Variants in ZFP64 observed in about 807,000 individuals in gnomAD.
ZFP64 encodes ZFP64 zinc finger protein.
A neutral mutation model predicts 51.6 loss-of-function variants in ZFP64; 14 were observed. The observed-to-expected ratio is 0.27, with a 90% CI of 0.18 to 0.42. The LOEUF (loss-of-function observed/expected upper bound fraction) is 0.42. ZFP64 is among the 10% of genes least tolerant of loss of function. ZFP64 has a pLI of 1.00. For synonymous variants in ZFP64, 375 were observed against 361.4 expected (o/e 1.04, Z -0.43); for missense variants, 754 against 906.8 (o/e 0.83, Z 2.16).
chr20:52,139,123 T>A (rs1243066017), intron 5 of ZFP64, among the ~76,000 whole-genome samples: 2 of 152,294 alleles, frequency 1.3e-5, no homozygotes, highest in African/African-American at 4.8e-5. Context: ...GAAAGCAGTT[T>A]GGAGATTTCT....
chr20:52,152,161 G>A lies in ZFP64; in HGVS notation c.2031C>T (p.Asp677=). The change falls in exon 6 of 6, where the codon GAC becomes GAT. Residue 677 remains aspartate (D), a synonymous_variant. Transcript: ENST00000216923. The part of the protein sequence containing the change: ...AAHPALLCPA[D]SIPD ...TTTTTAAGCACTAATCTGGAATGGA[G>A]TCGGCGGGACAGAGCAAAGCTGGAT... The A allele has an allele frequency of 2.5e-6, 4 of 1,613,154 alleles. No homozygotes were observed. Among genetic ancestry groups the A allele is most frequent in the Non-Finnish European group, 3.4e-6 (4 of 1,179,224 alleles).
intron 5 of ZFP64, among the ~76,000 whole-genome samples, chr20:52,116,299 C>T (rs1978868382): frequency 6.6e-6 from 1 of 151,288 alleles, no homozygotes; most frequent in Non-Finnish European, 1.5e-5. Flanking sequence ...CCACGCACGG[C>T]TTATTTTTGT....
At chr20:52,158,184 TG>T in intron 5 of ZFP64, among the ~76,000 whole-genome samples, 1 of 152,374 alleles carries the variant, frequency 6.6e-6, no homozygotes, top group Middle Eastern at 3.4e-3. Context: ...GTAATTATTT[TG>T]GCTTTTTGTT....
intron 5 of ZFP64, among the ~76,000 whole-genome samples, chr20:52,113,313 G>GCA (rs2122823080): frequency 6.7e-6 from 1 of 150,020 alleles, no homozygotes; most frequent in Non-Finnish European, 1.5e-5. Flanking sequence ...CAGCCTGGAT[G>GCA]ACAGAGCAAG....
At chr20:52,087,183 T>C (rs1204642292) in intron 8 of ZFP64, among the ~76,000 whole-genome samples, 2 of 152,252 alleles carry the variant, frequency 1.3e-5, no homozygotes, top group East Asian at 1.9e-4. Context: ...TCCATCCTGA[T>C]TGGAATCCTG....
At chr20:52,098,620 C>T in intron 5 of ZFP64, 2 of 1,613,386 alleles carry the variant, frequency 1.2e-6, no homozygotes, top group Non-Finnish European at 1.7e-6. Context: ...CTTAGTTTCT[C>T]ATTTATAACC....
intron 2 of ZFP64, chr20:52,175,875 C>CCCCA: frequency 3.1e-6 from 3 of 965,646 alleles, no homozygotes; most frequent in Non-Finnish European, 2.5e-6. Flanking sequence ...CCCCCGCCCC[C>CCCCA]AAAATAATTC....
At chr20:52,134,877 T>C (rs1432331688) in intron 5 of ZFP64, among the ~76,000 whole-genome samples, 2 of 152,196 alleles carry the variant, frequency 1.3e-5, no homozygotes, top group African/African-American at 4.8e-5. Flanking sequence ...TTTTATATTT[T>C]TTTGAAATGG....
chr20:52,174,159 C>A (rs1012145782), intron 2 of ZFP64, among the ~76,000 whole-genome samples: 2 of 152,142 alleles, frequency 1.3e-5, no homozygotes, highest in South Asian at 2.1e-4. Context: ...AATTAATGAT[C>A]AGCTAAAGGG....
intron 2 of ZFP64, among the ~76,000 whole-genome samples, chr20:52,179,250 C>T (rs1191135267): frequency 6.6e-6 from 1 of 152,152 alleles, no homozygotes; most frequent in Non-Finnish European, 1.5e-5. Context: ...TGAGACCTCC[C>T]CAGCCATGTG....
intron 3 of ZFP64, chr20:52,165,089 GA>G (rs1184189877): frequency 1.2e-5 from 6 of 486,666 alleles, no homozygotes; most frequent in Non-Finnish European, 2.4e-5. Context: ...TAGAGGAAAT[GA>G]AAGACATAAA....
rs919565341 is a variant in ZFP64 at position 52,153,510 on chromosome 20, G to A, written c.764-82C>T. On this transcript the variant is annotated intron_variant, in intron 5 of 5. Transcript: ENST00000216923. The surrounding 1 kb of genome is among the most constrained non-coding windows in gnomAD (Gnocchi z 5.1). ...CCCCCGAAGCACACACCAGAAAATC[G>A]CTTATACAAGGTGGGTGGGTGCAGA... 1.9e-5 allele frequency: 29 copies of A among 1,502,134 alleles called. No individual in the cohort carries two copies. In the South Asian group the frequency reaches 2.4e-4, roughly 12 times the overall value. The allele number at this position is 1,502,134 out of a possible 1,614,324, so 93.1% of individuals were successfully genotyped here.
At chr20:52,092,725 G>A (rs1207037209) in intron 7 of ZFP64, among the ~76,000 whole-genome samples, 2 of 152,076 alleles carry the variant, frequency 1.3e-5, no homozygotes, top group Admixed American at 6.6e-5. Flanking sequence ...GCATGGTGGT[G>A]CACAGCTATA....
At chr20:52,113,592 C>CTTTTTTTT (rs61331317) in intron 5 of ZFP64, among the ~76,000 whole-genome samples, 1 of 126,950 alleles carries the variant, frequency 7.9e-6, no homozygotes, top group Non-Finnish European at 1.6e-5. Flanking sequence ...CCATACCTGG[C>CTTTTTTTT]TTTTTTTTTT....
At chr20:52,163,394 A>G (rs1009020957) in intron 4 of ZFP64, among the ~76,000 whole-genome samples, 3 of 152,232 alleles carry the variant, frequency 2.0e-5, no homozygotes, top group African/African-American at 7.2e-5. Context: ...AACAAAAATT[A>G]TAGTACTTTA....
In ZFP64 at chr20:52,085,410, TG is replaced by T; in HGVS notation, c.1229-145del. On this transcript the variant is annotated intron_variant, in intron 8 of 8. Coordinates refer to the ZFP64 transcript ENST00000361387. The surrounding 1 kb of genome is among the most constrained non-coding windows in gnomAD (Gnocchi z 4.3). ...AACCTCCTAATGACAACACTTGTTG[TG>T]CATATTAATGCAATCCTCACAACAA... 1.2e-6 allele frequency: 1 copy of T among 846,744 alleles called. No individual in the cohort carries two copies. The highest frequency in any genetic ancestry group is 1.8e-6 in the Non-Finnish European group (1 of 558,334). 52.5% of individuals were successfully genotyped at this position (846,744 alleles called of 1,614,324 possible). A position where few individuals can be genotyped will look rare whatever the true frequency, so the allele number is the denominator to read the frequency against.
intron 2 of ZFP64, among the ~76,000 whole-genome samples, chr20:52,176,550 C>T (rs987614706): frequency 9.4e-5 from 14 of 149,142 alleles, no homozygotes; most frequent in African/African-American, 3.3e-4. Flanking sequence ...TCGCCCAGGC[C>T]GGACTGCGGA....
chr20:52,151,595 T>C lies in ZFP64; in HGVS notation c.*551A>G, dbSNP rs928143278. ...TAATGCATTTAATTCCAACCCCTCA[T>C]TGGAATCATCTTGGTAACATTTAAG... On this transcript the variant is annotated 3_prime_UTR_variant, in exon 6 of 6. Coordinates refer to ENST00000216923, the MANE Select transcript of ZFP64 (RefSeq NM_018197.3). The C allele has an allele frequency of 7.1e-6, 7 of 986,298 alleles. No homozygotes were observed. The African/African-American group carries it at 1.2e-4, about 17-fold the overall frequency. The allele number at this position is 986,298 out of a possible 1,614,324, so 61.1% of individuals were successfully genotyped here.
At chr20:52,141,482 A>G (rs1016036713) in intron 5 of ZFP64, among the ~76,000 whole-genome samples, 2 of 152,212 alleles carry the variant, frequency 1.3e-5, no homozygotes, top group Non-Finnish European at 2.9e-5. Flanking sequence ...TAAGAAGTTG[A>G]TTCCAACCAT....
Sources: allele counts gnomAD v4.1 joint callset (sites outside exome capture counted in the v4.1 genomes callset), GRCh38; gene constraint gnomAD v4.1.1; non-coding constraint Gnocchi (gnomAD v3.1); transcripts MANE v1.5; gene names NCBI Gene and HGNC (gene_info 2026-07-23, HGNC 2026-07-21).